The following ARMC3 variants were observed in gnomAD, a reference collection of about 807,000 sequenced individuals.
ARMC3 encodes the protein armadillo repeat-containing protein 3.
ARMC3 carries 74 observed loss-of-function variants against 90.3 expected under a neutral mutation model. That is an observed-to-expected ratio of 0.82 (90% CI 0.68 to 0.99). The LOEUF is 0.99. ARMC3 is among the 50% of genes least tolerant of loss of function. ARMC3 has a pLI of 0.00. For synonymous variants in ARMC3, 334 were observed against 361.8 expected, an observed-to-expected ratio of 0.92 and a Z score of 0.87; for missense variants, 958 against 1,042.8, an observed-to-expected ratio of 0.92 and a Z score of 1.12.
chr10:22,975,238 T>C (rs914649111), intron 8 of ARMC3, among the ~76,000 whole-genome samples: 1 of 152,162 alleles, frequency 6.6e-6, no homozygotes, highest in Non-Finnish European at 1.5e-5. Flanking sequence ...AATTGTTGCA[T>C]CATAACATTT....
rs192588448 is a variant in ARMC3, at chr10:23,023,871, G to T, written c.2046-6725G>T. Among the ~76,000 whole-genome samples the T allele has an allele frequency of 9.5e-4, 144 of 152,142 alleles. No homozygotes were observed. The Middle Eastern group carries it at 0.01, about 11-fold the overall frequency. On this transcript the variant is annotated intron_variant, in intron 16 of 18. Transcript: ENST00000298032. ...AAGGACTTACGGGACAATAATAAAA[G>T]ATCCAACATTCATATCATTGCAGTT... is the stretch of plus-strand genomic sequence containing the variant.
rs1423825837 is a variant in ARMC3 at position 22,928,123 on chromosome 10, G to C, written c.-2+17G>C. 6.6e-6 allele frequency: 1 copy of C among 152,648 alleles called. No individual in the cohort carries two copies. Among genetic ancestry groups the C allele is most frequent in the South Asian group, 2.1e-4 (1 of 4,842 alleles). 9.5% of individuals were successfully genotyped at this position (152,648 alleles called of 1,614,324 possible). A position where few individuals can be genotyped will look rare whatever the true frequency, so the allele number is the denominator to read the frequency against. ...TCCCGGCAGGTAAAGGTAACCCCGTGGGGTGGGGAGGCCCAAGGCAGAGGC... is the reference window on the plus strand; with the variant it reads ...TCCCGGCAGGTAAAGGTAACCCCGTCGGGTGGGGAGGCCCAAGGCAGAGGC... On this transcript the variant is annotated intron_variant, in intron 1 of 18. Transcript: ENST00000298032.
At chr10:23,003,175 G>C in intron 12 of ARMC3, 71 bp from the exon 13 acceptor site, 1 of 1,370,220 alleles carries the variant, frequency 7.3e-7, no homozygotes, top group Non-Finnish European at 9.9e-7. Context: ...ATCTGAAGTC[G>C]GTATATAAGT....
intron 8 of ARMC3, among the ~76,000 whole-genome samples, chr10:22,969,135 A>T (rs1835572927): frequency 6.6e-6 from 1 of 152,212 alleles, no homozygotes; most frequent in South Asian, 2.1e-4. Flanking sequence ...TCTATAAAGT[A>T]ATTTTCAAGT....
In ARMC3 at chr10:23,005,432, A is replaced by G. The variant is rs149739846; in HGVS notation, c.1732-1452A>G. 8.6e-3 allele frequency among the ~76,000 whole-genome samples: 1,304 copies of G among 152,322 alleles called. 19 individuals are homozygous for G. Among genetic ancestry groups the G allele is most frequent in the African/African-American group, 0.029 (1,222 of 41,568 alleles). ...TCTGATTCATTCAGTAAATATTGTTATAAGTTTCGGATATTGGAGGCTGTG... is the reference window on the plus strand; with the variant it reads ...TCTGATTCATTCAGTAAATATTGTTGTAAGTTTCGGATATTGGAGGCTGTG... On this transcript the variant is annotated intron_variant, in intron 13 of 18. Coordinates refer to ENST00000298032, the MANE Select transcript of ARMC3 (RefSeq NM_173081.5).
intron 12 of ARMC3, among the ~76,000 whole-genome samples, chr10:23,002,609 C>CTTT (rs776143888): frequency 8.6e-5 from 12 of 139,450 alleles, no homozygotes; most frequent in Non-Finnish European, 1.1e-4. Context: ...TTTTTTCTTT[C>CTTT]TTTTTTTTTT....
At chr10:23,016,226 C>T (rs1327309421) in intron 16 of ARMC3, among the ~76,000 whole-genome samples, 1 of 152,206 alleles carries the variant, frequency 6.6e-6, no homozygotes, top group Non-Finnish European at 1.5e-5. Context: ...ATAACAAAAT[C>T]TTCTTGCTTA....
rs772895352 is a variant in ARMC3, at chr10:22,959,569, G to A, written c.532G>A (p.Val178Met). The A allele has an allele frequency of 1.3e-6, 2 of 1,588,360 alleles. No individual in the cohort carries two copies. The highest frequency in any genetic ancestry group is 1.7e-4 in the Middle Eastern group (1 of 5,910). ...KNSMECIYNLVQDFQCRAKLQ... is the reference protein window; with the variant it reads ...KNSMECIYNLMQDFQCRAKLQ... ...CTCTATGGAATGCATTTACAACTTG[G>A]TGCAGGTAAGATTAATTTCTAAAAA... Residue 178 changes from valine (V) to methionine (M), a missense_variant, in exon 6 of 19, where the codon GTG becomes ATG. Coordinates refer to ENST00000298032, the MANE Select transcript of ARMC3 (RefSeq NM_173081.5).
rs1434570920 is a variant in ARMC3, at chr10:22,973,747, GTCTT to G, written c.916+5264_916+5267del. 3.1e-4 allele frequency among the ~76,000 whole-genome samples: 37 copies of G among 118,322 alleles called. No individual in the cohort carries two copies. The South Asian group carries it at 3.2e-3, about 10-fold the overall frequency. 77.6% of individuals were successfully genotyped at this position (118,322 alleles called of 152,430 possible). Reference sequence around the variant, plus strand: ...TATTTTCTCTTGTAATTTTTTCTTTGTCTTTCTTTTTTTTTTTTTTTTTTTTTTT... The same window carrying G: ...TATTTTCTCTTGTAATTTTTTCTTTGTCTTTTTTTTTTTTTTTTTTTTTTT... On this transcript the variant is annotated intron_variant, in intron 8 of 18. Transcript: ENST00000298032.
chr10:22,990,531 C>A (rs1283290513), intron 10 of ARMC3, among the ~76,000 whole-genome samples: 1 of 152,130 alleles, frequency 6.6e-6, no homozygotes, highest in East Asian at 1.9e-4. Context: ...AGTTATCGGC[C>A]AGGTATTAAG....
At chr10:22,998,041 T>G in intron 10 of ARMC3, 107 bp from the exon 11 acceptor site, 1 of 1,306,174 alleles carries the variant, frequency 7.7e-7, no homozygotes, top group East Asian at 2.5e-5. Flanking sequence ...AATTTATTTC[T>G]AAAATCGTAT....
At chr10:22,976,374 T>A (rs1273855291) in intron 8 of ARMC3, among the ~76,000 whole-genome samples, 1 of 152,240 alleles carries the variant, frequency 6.6e-6, no homozygotes, top group Non-Finnish European at 1.5e-5. Context: ...CTTGTACAAT[T>A]TGACGTTGAC....
chr10:22,932,494 A>G (rs747644010), intron 2 of ARMC3, among the ~76,000 whole-genome samples: 3 of 152,224 alleles, frequency 2.0e-5, no homozygotes, highest in Non-Finnish European at 4.4e-5. Flanking sequence ...AGTTCTATCG[A>G]GAGACTAGTC....
chr10:23,000,489 G>T (rs924418962), intron 11 of ARMC3, among the ~76,000 whole-genome samples: 16 of 152,172 alleles, frequency 1.1e-4, no homozygotes, highest in African/African-American at 3.4e-4. Context: ...CTTTAGGGAA[G>T]GGAACTGAGA....
intron 16 of ARMC3, among the ~76,000 whole-genome samples, chr10:23,011,043 CCCTTTCCTTTCCATT>C (rs1159813005): frequency 1.3e-5 from 2 of 149,140 alleles, no homozygotes; most frequent in Non-Finnish European, 3.0e-5. Flanking sequence ...CTCTCTCCTT[CCCTTTCCTTTCCATT>C]CCTTGTCCTT....
intron 16 of ARMC3, 139 bp from the exon 17 acceptor site, chr10:23,030,457 G>A: frequency 7.1e-7 from 1 of 1,409,502 alleles, no homozygotes; most frequent in Non-Finnish European, 9.3e-7. Flanking sequence ...CATATAAGTG[G>A]ATCCACACAG....
intron 18 of ARMC3, 86 bp downstream of exon 18, chr10:23,033,109 A>G (rs1456369796): frequency 2.3e-6 from 3 of 1,283,006 alleles, no homozygotes; most frequent in East Asian, 4.7e-5. Flanking sequence ...CTAACATTTA[A>G]CTGGATATTA....
At chr10:22,957,367 A>C (rs1388285075) in intron 4 of ARMC3, among the ~76,000 whole-genome samples, 3 of 152,124 alleles carry the variant, frequency 2.0e-5, no homozygotes, top group Non-Finnish European at 4.4e-5. Flanking sequence ...CAGAGACTGC[A>C]CTTGCGGGCA....
chr10:23,018,864 G>A (rs1287624945), intron 16 of ARMC3, among the ~76,000 whole-genome samples: 2 of 152,160 alleles, frequency 1.3e-5, no homozygotes, highest in Non-Finnish European at 2.9e-5. Context: ...AAAACTGGAA[G>A]AGGATAGGCT....
Sources: allele counts gnomAD v4.1 joint callset (sites outside exome capture counted in the v4.1 genomes callset), GRCh38; gene constraint gnomAD v4.1.1; transcripts MANE v1.5; gene names NCBI Gene and HGNC (gene_info 2026-07-23, HGNC 2026-07-21).